CACNA2D4: variants seen among roughly 807,000 people sequenced by gnomAD.
CACNA2D4 encodes the protein voltage-dependent calcium channel subunit alpha-2/delta-4.
In CACNA2D4, 157 loss-of-function variants were observed where a neutral mutation model predicts 163.8. The ratio of observed to expected loss-of-function variants is 0.96; its 90% CI spans 0.84 to 1.09. The LOEUF (loss-of-function observed/expected upper bound fraction) is 1.09, where lower values mean the gene tolerates loss of function less well. CACNA2D4 is among the 50% of genes least tolerant of loss of function. The pLI, the probability that CACNA2D4 is intolerant of heterozygous loss-of-function variation, is 0.00. For synonymous variants in CACNA2D4, 598 were observed against 586.9 expected, an observed-to-expected ratio of 1.02 and a Z score of -0.27; for missense variants, 1,410 against 1,479.9, an observed-to-expected ratio of 0.95 and a Z score of 0.78.
chr12:1,835,243 T>A (rs1864806678), intron 26 of CACNA2D4: 1 of 154,586 alleles, frequency 6.5e-6, no homozygotes, highest in Non-Finnish European at 1.4e-5. Flanking sequence ...GGTACCAATG[T>A]GCAAACACAC....
At chr12:1,865,286 T>C (rs1338691050) in intron 18 of CACNA2D4, among the ~76,000 whole-genome samples, 2 of 152,214 alleles carry the variant, frequency 1.3e-5, no homozygotes, top group African/African-American at 4.8e-5. Flanking sequence ...CCTGGGGGCC[T>C]TGATATCTGG....
At chr12:1,831,501 T>C in intron 26 of CACNA2D4, 1 of 1,613,448 alleles carries the variant, frequency 6.2e-7, no homozygotes, top group Non-Finnish European at 8.5e-7. Flanking sequence ...GTTCAAACAC[T>C]GGATGGAGTG....
chr12:1,828,689 A>G lies in CACNA2D4; in HGVS notation c.2551+12050T>C, dbSNP rs1864477288. 6.6e-6 allele frequency among the ~76,000 whole-genome samples: 1 copy of G among 151,828 alleles called. No individual in the cohort carries two copies. Among genetic ancestry groups the G allele is most frequent in the Non-Finnish European group, 1.5e-5 (1 of 67,952 alleles). On this transcript the variant is annotated intron_variant, in intron 26 of 37. Transcript: ENST00000382722. This position sits in a 1 kb window ranked among gnomAD's most constrained non-coding sequence, Gnocchi z 4.2. ...CTTGGAGATGTCTCTTATGCTCCTT[A>G]TGCCTCCGCTTTCCCAACTCTCGGT...
chr12:1,800,215 G>A (rs1863265865), intron 32 of CACNA2D4, 163 bp from the exon 33 acceptor site: 1 of 938,570 alleles, frequency 1.1e-6, no homozygotes, highest in Non-Finnish European at 1.7e-6. Context: ...CCTCCCAGGG[G>A]CAGCATGCAG....
rs1281393835 is a variant in CACNA2D4 at position 1,875,152 on chromosome 12, A to T, written c.1806+99T>A. ...CTGGGATGAACCTGTTCTGCCTGAC[A>T]GGAACAGAGTGACCTCAAAGCTCAC... On this transcript the variant is annotated intron_variant, in intron 17 of 37. Transcript: ENST00000382722. This position sits in a 1 kb window ranked among gnomAD's most constrained non-coding sequence, Gnocchi z 4.0. The T allele has an allele frequency of 4.8e-6, 4 of 832,186 alleles. No individual in the cohort carries two copies. In the East Asian group the frequency reaches 9.8e-5, roughly 20 times the overall value. 51.6% of individuals were successfully genotyped at this position (832,186 alleles called of 1,614,324 possible).
intron 3 of CACNA2D4, among the ~76,000 whole-genome samples, chr12:1,910,495 A>T (rs1217708120): frequency 6.6e-6 from 1 of 152,210 alleles, no homozygotes; most frequent in East Asian, 1.9e-4. Flanking sequence ...GGATGTATGG[A>T]AACTGTACTT....
In CACNA2D4 at chr12:1,829,243, G is replaced by A. The variant is rs563996422; in HGVS notation, c.2551+11496C>T. Among the ~76,000 whole-genome samples the A allele has an allele frequency of 1.6e-3, 244 of 152,286 alleles. 5 individuals carry two copies. In the South Asian group the frequency reaches 0.034, roughly 21 times the overall value. On this transcript the variant is annotated intron_variant, in intron 26 of 37. Transcript: ENST00000382722. The surrounding 1 kb of genome is among the most constrained non-coding windows in gnomAD (Gnocchi z 4.2). ...AGGCCCTTCTCTGGGAGGGGCGAGC[G>A]GCTTCTGGTGATGCAGATCCTTTTG...
chr12:1,825,957 T>G (rs1190912910), intron 26 of CACNA2D4, among the ~76,000 whole-genome samples: 1 of 152,078 alleles, frequency 6.6e-6, no homozygotes. Flanking sequence ...GTGCTGAAGG[T>G]CAGGGCTCGA....
rs1863274604 is a variant in CACNA2D4, at chr12:1,800,442, G to C, written c.2869-4C>G. ...CCGTCAAGAAGGCAGAAATTGGCTG[G>C]GAAGGAGAGAGTGCACACCGCTCGC... On this transcript the variant is annotated splice_polypyrimidine_tract_variant and splice_region_variant and intron_variant, in intron 31 of 37. Transcript: ENST00000382722. The C allele has an allele frequency of 3.7e-6, 6 of 1,613,744 alleles. No homozygotes were observed. Among genetic ancestry groups the C allele is most frequent in the Non-Finnish European group, 5.1e-6 (6 of 1,179,836 alleles).
At chr12:1,863,439 A>G (rs1219973065) in intron 18 of CACNA2D4, among the ~76,000 whole-genome samples, 1 of 152,208 alleles carries the variant, frequency 6.6e-6, no homozygotes, top group Non-Finnish European at 1.5e-5. Flanking sequence ...AAATTTTAGA[A>G]CCAGCTTGTC....
chr12:1,886,788 G>A lies in CACNA2D4; in HGVS notation c.842+221C>T, dbSNP rs568453281. On this transcript the variant is annotated intron_variant, in intron 7 of 37. Transcript: ENST00000382722. Reference sequence around the variant, plus strand: ...CTCAGTGTCCTGGCAGGAGGTTTAGGTTGGGAAAGACAAACATGATCAGTC... The same window carrying A: ...CTCAGTGTCCTGGCAGGAGGTTTAGATTGGGAAAGACAAACATGATCAGTC... Among the ~76,000 whole-genome samples, 27 of 152,270 alleles carry A rather than the reference G, an allele frequency of 1.8e-4. No individual in the cohort carries two copies. In the South Asian group the frequency reaches 3.3e-3, roughly 19 times the overall value.
At chr12:1,868,599 T>C (rs144137407) in intron 18 of CACNA2D4, among the ~76,000 whole-genome samples, 108 of 151,924 alleles carry the variant, frequency 7.1e-4, no homozygotes, top group Middle Eastern at 3.4e-3. Flanking sequence ...CACTGGAAAC[T>C]GGCCAAGAGC....
Position 1,822,619 on chromosome 12 carries a change from A to G in CACNA2D4, c.2552-10896T>C, listed in dbSNP as rs11061986. Among the ~76,000 whole-genome samples the G allele has an allele frequency of 9.9e-3, 1,511 of 152,290 alleles. 33 individuals are homozygous for G. Among genetic ancestry groups the G allele is most frequent in the African/African-American group, 0.035 (1,449 of 41,548 alleles). On this transcript the variant is annotated intron_variant, in intron 26 of 37. Transcript: ENST00000382722. Reference sequence around the variant, plus strand: ...TTGAGATTGAGAATATTTGACAAGGAAACGGGGGTGCAGGAGGCTGGGGGT... The same window carrying G: ...TTGAGATTGAGAATATTTGACAAGGGAACGGGGGTGCAGGAGGCTGGGGGT...
At chr12:1,823,912 C>T (rs753195672) in intron 26 of CACNA2D4, among the ~76,000 whole-genome samples, 6 of 152,190 alleles carry the variant, frequency 3.9e-5, no homozygotes, top group African/African-American at 7.2e-5. Context: ...GTAACCCCCA[C>T]GTGTAAGCAG....
intron 26 of CACNA2D4, among the ~76,000 whole-genome samples, chr12:1,816,552 C>A (rs1050075072): frequency 1.5e-4 from 23 of 152,302 alleles, no homozygotes; most frequent in African/African-American, 5.5e-4. Context: ...CCACATTGAT[C>A]TCGTGCCTTC....
Position 1,829,337 on chromosome 12 carries a change from A to G in CACNA2D4, c.2551+11402T>C, listed in dbSNP as rs1489729850. On this transcript the variant is annotated intron_variant, in intron 26 of 37. Transcript: ENST00000382722. The surrounding 1 kb of genome is among the most constrained non-coding windows in gnomAD (Gnocchi z 4.2). ...AAGTCTGAAGAATGCTGATTTTCAA[A>G]TGGCTTGGGGTGGTGGTATGGGGCT... Among the ~76,000 whole-genome samples, 1 of 152,072 alleles carries G rather than the reference A, an allele frequency of 6.6e-6. No individual in the cohort carries two copies. Among genetic ancestry groups the G allele is most frequent in the Non-Finnish European group, 1.5e-5 (1 of 68,004 alleles).
rs560690381 is a variant in CACNA2D4 at position 1,833,857 on chromosome 12, G to C, written c.2551+6882C>G. ...AGACAGGTGATGAGCAGGCAGATTCGGGGGCAGAGAGTGTGGCAGGGACGC... is the reference window on the plus strand; with the variant it reads ...AGACAGGTGATGAGCAGGCAGATTCCGGGGCAGAGAGTGTGGCAGGGACGC... On this transcript the variant is annotated intron_variant, in intron 26 of 37. Transcript: ENST00000382722. The surrounding 1 kb of genome is among the most constrained non-coding windows in gnomAD (Gnocchi z 4.2). Among the ~76,000 whole-genome samples, 1 of 152,138 alleles carries C rather than the reference G, an allele frequency of 6.6e-6. No individual in the cohort carries two copies. Among genetic ancestry groups the C allele is most frequent in the Admixed American group, 6.5e-5 (1 of 15,276 alleles).
chr12:1,852,171 C>T (rs751100486), intron 23 of CACNA2D4, among the ~76,000 whole-genome samples: 4 of 152,220 alleles, frequency 2.6e-5, no homozygotes, highest in Admixed American at 1.3e-4. Flanking sequence ...CATCTTTAAA[C>T]AGCGACAATT....
chr12:1,887,001 G>T lies in CACNA2D4; in HGVS notation c.842+8C>A, dbSNP rs1426611944. On this transcript the variant is annotated splice_region_variant and intron_variant, in intron 7 of 37. Coordinates refer to ENST00000382722, the MANE Select transcript of CACNA2D4 (RefSeq NM_172364.5). The stretch of plus-strand genomic sequence containing the variant: ...CGGGCCGCAAACCTTTCCCCTGTGA[G>T]CTCTTACCAGCCGCGGTTTCGGCAG... The T allele has an allele frequency of 1.3e-6, 2 of 1,580,156 alleles. No homozygotes were observed. Among genetic ancestry groups the T allele is most frequent in the Admixed American group, 1.7e-5 (1 of 57,824 alleles).
Sources: allele counts gnomAD v4.1 joint callset (sites outside exome capture counted in the v4.1 genomes callset), GRCh38; gene constraint gnomAD v4.1.1; non-coding constraint Gnocchi (gnomAD v3.1); transcripts MANE v1.5; gene names NCBI Gene and HGNC (gene_info 2026-07-23, HGNC 2026-07-21).